PRKAA2: variants seen among roughly 807,000 people sequenced by gnomAD.
PRKAA2 encodes the protein protein kinase AMP-activated catalytic subunit alpha 2.
Under a neutral mutation model 56.3 loss-of-function variants are expected in PRKAA2, and 40 were observed. That is an observed-to-expected ratio of 0.71 (90% CI 0.55 to 0.92). PRKAA2 has a LOEUF of 0.92. PRKAA2 is among the 40% of genes least tolerant of loss of function. The pLI is 0.00. For synonymous variants in PRKAA2, 214 were observed against 234.2 expected (o/e 0.91, Z 0.79); for missense variants, 542 against 686.9 (o/e 0.79, Z 2.36).
chr1:56,709,025 A>G lies in PRKAA2; in HGVS notation c.*1312A>G, dbSNP rs998622110. On this transcript the variant is annotated 3_prime_UTR_variant, in exon 9 of 9. Transcript: ENST00000371244. ...GGGTAGATAATAGTTTATTGATTAT[A>G]TTTTGTTTTAGTAAAAGTATTTAAT... The G allele has an allele frequency of 2.0e-5, 3 of 152,112 alleles. No homozygotes were observed. Among genetic ancestry groups the G allele is most frequent in the African/African-American group, 7.2e-5 (3 of 41,430 alleles). The allele number at this position is 152,112 out of a possible 1,614,324, so 9.4% of individuals were successfully genotyped here.
chr1:56,701,203 A>G (rs1365331719), intron 6 of PRKAA2, among the ~76,000 whole-genome samples: 4 of 152,174 alleles, frequency 2.6e-5, no homozygotes, highest in Admixed American at 6.5e-5. Context: ...TTTAAAAAAT[A>G]TTAGACATGT....
chr1:56,672,114 G>GT (rs1243666733), intron 1 of PRKAA2, among the ~76,000 whole-genome samples: 5 of 151,748 alleles, frequency 3.3e-5, no homozygotes, highest in Non-Finnish European at 7.4e-5. Context: ...TGGTTTTTTT[G>GT]TTTTTGTTTT....
At chr1:56,653,173 A>G (rs1216381938) in intron 1 of PRKAA2, among the ~76,000 whole-genome samples, 2 of 151,636 alleles carry the variant, frequency 1.3e-5, no homozygotes, top group African/African-American at 4.8e-5. Context: ...CTTCTCAAAT[A>G]CTAGATTAGT....
At position 56,692,402 on chromosome 1, in the gene PRKAA2, T is replaced by C. The variant is rs1398327383; in HGVS notation, c.375T>C (p.Ser125=). 5.6e-6 allele frequency: 9 copies of C among 1,614,124 alleles called. No homozygotes were observed. Among genetic ancestry groups the C allele is most frequent in the Non-Finnish European group, 7.6e-6 (9 of 1,179,980 alleles). ...GGCGGCTCTTTCAGCAGATTCTGTC[T>C]GCTGTGGATTACTGTCATAGGCATA... ...EARRLFQQIL[S]AVDYCHRHMV... Residue 125 remains serine, a synonymous_variant, in exon 4 of 9, where the codon TCT becomes TCC. Transcript: ENST00000371244.
intron 7 of PRKAA2, 26 bp downstream of exon 7, chr1:56,704,501 C>G: frequency 6.5e-7 from 1 of 1,544,890 alleles, no homozygotes; most frequent in South Asian, 1.3e-5. Flanking sequence ...GTAATAAGAT[C>G]ATTTGTAGAA....
intron 2 of PRKAA2, among the ~76,000 whole-genome samples, chr1:56,679,253 C>T (rs561881928): frequency 6.6e-6 from 1 of 152,260 alleles, no homozygotes; most frequent in Non-Finnish European, 1.5e-5. Flanking sequence ...TCATCTACTA[C>T]CATGGTGCCA....
chr1:56,673,797 A>C (rs1644094233), intron 1 of PRKAA2, among the ~76,000 whole-genome samples: 1 of 152,218 alleles, frequency 6.6e-6, no homozygotes, highest in Non-Finnish European at 1.5e-5. Context: ...GCAAATGTTT[A>C]TAAAAGATTA....
At chr1:56,675,394 T>G (rs897051887) in intron 2 of PRKAA2, among the ~76,000 whole-genome samples, 1 of 152,144 alleles carries the variant, frequency 6.6e-6, no homozygotes, top group Admixed American at 6.6e-5. Context: ...TTTTCCTTAT[T>G]TAATTTAATA....
intron 2 of PRKAA2, among the ~76,000 whole-genome samples, chr1:56,688,608 G>T (rs1229174520): frequency 6.6e-6 from 1 of 152,146 alleles, no homozygotes; most frequent in African/African-American, 2.4e-5. Context: ...ATACAAAGGA[G>T]CTGTAGCAGG....
At chr1:56,699,165 G>A (rs1644277949) in intron 6 of PRKAA2, among the ~76,000 whole-genome samples, 1 of 152,108 alleles carries the variant, frequency 6.6e-6, no homozygotes, top group African/African-American at 2.4e-5. Flanking sequence ...TATAATTAAA[G>A]CTTTTAGAAC....
chr1:56,664,855 TAC>T (rs67041631), intron 1 of PRKAA2, among the ~76,000 whole-genome samples: 3,221 of 139,876 alleles, frequency 0.023, 107 homozygotes, highest in African/African-American at 0.079. Context: ...AGTATATGTG[TAC>T]ACACACACAC....
In PRKAA2 at chr1:56,704,400, C is replaced by A; in HGVS notation, c.1218C>A (p.Ile406=). 1 of 1,614,084 alleles carries A rather than the reference C, an allele frequency of 6.2e-7. No homozygotes were observed. Among genetic ancestry groups the A allele is most frequent in the East Asian group, 2.2e-5 (1 of 44,872 alleles). The stretch of plus-strand genomic sequence containing the variant: ...AAAAAGCCAAGTGGCATCTTGGAAT[C>A]CGAAGTCAGAGCAAACCGTATGACA... The part of the protein sequence containing the change: ...AVKKAKWHLG[I]RSQSKPYDIM... The change falls in exon 7 of 9, where the codon ATC becomes ATA. Residue 406 remains isoleucine, a synonymous_variant. Coordinates refer to ENST00000371244, the MANE Select transcript of PRKAA2 (RefSeq NM_006252.4).
intron 1 of PRKAA2, among the ~76,000 whole-genome samples, chr1:56,669,016 C>G (rs1422857270): frequency 1.3e-5 from 2 of 152,110 alleles, no homozygotes; most frequent in African/African-American, 4.8e-5. Flanking sequence ...TGGAATGATC[C>G]TCAGGGATAT....
In PRKAA2 at chr1:56,706,129, A is replaced by C. The variant is rs781694870; in HGVS notation, c.1331A>C (p.Asn444Thr). ...NAYHLRVRRKNPVTGNYVKMS... is the reference protein window; with the variant it reads ...NAYHLRVRRKTPVTGNYVKMS... ...TACCATCTTCGTGTAAGAAGAAAAA[A>C]TCCAGTGACTGGCAATTACGTGAAA... Residue 444 changes from asparagine to threonine, a missense_variant, in exon 8 of 9, where the codon AAT (asparagine) becomes ACT (threonine). Asn to Thr is a moderately conservative substitution (Grantham distance 65, BLOSUM62 0). Around this residue, in one of 5 missense-constraint regions of PRKAA2, gnomAD observed 158 missense variants for 166.1 expected, o/e 0.95. Transcript: ENST00000371244. The C allele has an allele frequency of 6.2e-7, 1 of 1,612,906 alleles. No individual in the cohort carries two copies. Among genetic ancestry groups the C allele is most frequent in the Non-Finnish European group, 8.5e-7 (1 of 1,178,956 alleles).
chr1:56,674,908 C>T (rs1327011612), intron 2 of PRKAA2, among the ~76,000 whole-genome samples: 6 of 151,958 alleles, frequency 3.9e-5, no homozygotes, highest in Admixed American at 6.6e-5. Context: ...AGTCAATTTT[C>T]ACTAACATTC....
chr1:56,681,238 TG>T (rs1644153103), intron 2 of PRKAA2, among the ~76,000 whole-genome samples: 1 of 152,242 alleles, frequency 6.6e-6, no homozygotes, highest in South Asian at 2.1e-4. Flanking sequence ...TTAAGTTCTT[TG>T]TAGATTCTGG....
At chr1:56,685,907 A>G (rs1352851522) in intron 2 of PRKAA2, among the ~76,000 whole-genome samples, 2 of 152,196 alleles carry the variant, frequency 1.3e-5, no homozygotes, top group African/African-American at 4.8e-5. Flanking sequence ...TGGATATTTG[A>G]TGACATTCAT....
Position 56,655,280 on chromosome 1 carries a change from A to ATATATATATATATTTTTT in PRKAA2, c.94+9800_94+9801insATATATATATATTTTTTT. Among the ~76,000 whole-genome samples the ATATATATATATATTTTTT allele has an allele frequency of 1.5e-3, 136 of 93,608 alleles. 1 individual carries two copies. Among genetic ancestry groups the ATATATATATATATTTTTT allele is most frequent in the African/African-American group, 5.6e-3 (123 of 21,998 alleles). The allele number at this position is 93,608 out of a possible 152,430, so 61.4% of individuals were successfully genotyped here. A position where few individuals can be genotyped will look rare whatever the true frequency, so the allele number is the denominator to read the frequency against. ...TGTATTTATATATCTATATATATAT[A>ATATATATATATATTTTTT]TTTTTTTTTTTTTTTTGTAGAGACA... On this transcript the variant is annotated intron_variant, in intron 1 of 8. Transcript: ENST00000371244.
chr1:56,659,013 G>A (rs932771545), intron 1 of PRKAA2, among the ~76,000 whole-genome samples: 2 of 150,206 alleles, frequency 1.3e-5, no homozygotes, highest in African/African-American at 2.5e-5. Context: ...ATGTTGCCAG[G>A]GCTGGTCTGA....
Sources: gnomAD v4.1 joint callset for allele counts (sites outside exome capture counted in the v4.1 genomes callset) on GRCh38, gnomAD v4.1.1 for gene constraint, gnomAD v4.1.1 regional missense constraint, MANE v1.5 for transcripts, NCBI Gene and HGNC (gene_info 2026-07-23, HGNC 2026-07-21) for gene names.